The following QSOX2 variants were observed in gnomAD, a reference collection of about 807,000 sequenced individuals.
The protein encoded by QSOX2 is quiescin sulfhydryl oxidase 2, also known as sulfhydryl oxidase 2.
In QSOX2, 46 loss-of-function variants were observed where a neutral mutation model predicts 61.7. The ratio of observed to expected loss-of-function variants is 0.75; its 90% CI spans 0.59 to 0.95. QSOX2 has a LOEUF of 0.95. Among genes scored for constraint, QSOX2 ranks in the 40% least tolerant of loss-of-function variants. QSOX2 has a pLI of 0.00. For missense variants in QSOX2, 879 were observed against 918.9 expected (o/e 0.96, Z 0.56); for synonymous variants, 383 against 388.4 (o/e 0.99, Z 0.16).
intron 1 of QSOX2, among the ~76,000 whole-genome samples, chr9:136,235,492 G>A (rs143719897): frequency 3.0e-4 from 45 of 152,360 alleles, no homozygotes; most frequent in South Asian, 6.2e-4. Context: ...GAAGACGAGG[G>A]GAAGCCCTGA....
Position 136,218,652 on chromosome 9 carries a change from G to A in QSOX2, c.1086+27C>T, listed in dbSNP as rs891609026. ...TCTGTGCAGAGCCAAATTCCCACAT[G>A]CAGCCCAGACCAGCACCGTCCCAAA... is the stretch of plus-strand genomic sequence containing the variant. On this transcript the variant is annotated intron_variant, in intron 8 of 11. Transcript: ENST00000358701. 2.5e-6 allele frequency: 4 copies of A among 1,606,402 alleles called. No homozygotes were observed. In the African/African-American group the frequency reaches 5.3e-5, roughly 21 times the overall value.
Position 136,221,286 on chromosome 9 carries a change from C to T in QSOX2, c.821+510G>A, listed in dbSNP as rs145685798. Among the ~76,000 whole-genome samples the T allele has an allele frequency of 2.3e-3, 346 of 152,312 alleles. 1 individual carries two copies. The highest frequency in any genetic ancestry group is 4.3e-3 in the Admixed American group (66 of 15,310). Reference sequence around the variant, plus strand: ...TCATGAGGGGCACACGGGCACCCCACGCAGAGGCAAAGGGCTTGCCAAGGT... The same window carrying T: ...TCATGAGGGGCACACGGGCACCCCATGCAGAGGCAAAGGGCTTGCCAAGGT... On this transcript the variant is annotated intron_variant, in intron 6 of 11. Transcript: ENST00000358701. This position sits in a 1 kb window ranked among gnomAD's most constrained non-coding sequence, Gnocchi z 4.5.
At chr9:136,240,953 C>T (rs1304092930) in intron 1 of QSOX2, among the ~76,000 whole-genome samples, 1 of 152,210 alleles carries the variant, frequency 6.6e-6, no homozygotes, top group Non-Finnish European at 1.5e-5. Context: ...TGACCTGGGT[C>T]ACCCCATGGC....
chr9:136,227,168 C>A (rs1248458883), intron 1 of QSOX2, among the ~76,000 whole-genome samples: 2 of 152,186 alleles, frequency 1.3e-5, no homozygotes, highest in African/African-American at 2.4e-5. Context: ...TAAATGACAC[C>A]CTGATGGATG....
chr9:136,218,644 T>C, intron 8 of QSOX2, 35 bp downstream of exon 8: 5 of 1,601,940 alleles, frequency 3.1e-6, no homozygotes, highest in Non-Finnish European at 4.3e-6. Flanking sequence ...AGAGCCAAAT[T>C]CCCACATGCA....
In QSOX2 at chr9:136,211,310, G is replaced by A; in HGVS notation, c.1503C>T (p.Ile501=). 5 of 1,614,222 alleles carry A rather than the reference G, an allele frequency of 3.1e-6. No individual in the cohort carries two copies. The highest frequency in any genetic ancestry group is 4.2e-6 in the Non-Finnish European group (5 of 1,180,044). ...MDSVKTPDQA[I]LWLWKKHNMV... is the part of the protein sequence containing the mutation. ...TATTATGCTTCTTCCACAGCCAGAG[G>A]ATGGCTTGGTCTGGGGTTTTCACCG... The change falls in exon 11 of 12, where the codon ATC becomes ATT. Residue 501 remains isoleucine, a synonymous_variant. Coordinates refer to ENST00000358701, the MANE Select transcript of QSOX2 (RefSeq NM_181701.4).
rs1390108091 is a variant in QSOX2 at position 136,209,126 on chromosome 9, G to T, written c.1699C>A (p.Leu567Ile). ...TGGTCTGCGGAATACGTGTCTAAGA[G>T]GTTGTCGCGGCCATAGTGCTGCTTC... is the stretch of plus-strand genomic sequence containing the variant. ...FLKQHYGRDNLLDTYSADQGD... is the reference protein window; with the variant it reads ...FLKQHYGRDNILDTYSADQGD... Residue 567 changes from leucine (L) to isoleucine (I), a missense_variant, in exon 12 of 12, where the codon CTC becomes ATC. Physicochemically the swap from Leu to Ile is conservative, Grantham distance 5. Coordinates refer to ENST00000358701, the MANE Select transcript of QSOX2 (RefSeq NM_181701.4). The surrounding 1 kb of genome is among the most constrained non-coding windows in gnomAD (Gnocchi z 5.6). 6.2e-7 allele frequency: 1 copy of T among 1,614,198 alleles called. No individual in the cohort carries two copies. The highest frequency in any genetic ancestry group is 2.2e-5 in the East Asian group (1 of 44,886).
chr9:136,245,254 T>A (rs1830461951), intron 1 of QSOX2, among the ~76,000 whole-genome samples: 2 of 152,100 alleles, frequency 1.3e-5, no homozygotes, highest in Admixed American at 1.3e-4. Context: ...TAACGGGGAT[T>A]AACTGGGAGA....
In QSOX2 at chr9:136,208,747, T is replaced by A; in HGVS notation, c.2078A>T (p.His693Leu). 6.2e-7 allele frequency: 1 copy of A among 1,611,114 alleles called. No individual in the cohort carries two copies. The highest frequency in any genetic ancestry group is 8.5e-7 in the Non-Finnish European group (1 of 1,178,396). ...RVRSRRWKVKHHHPAV is the reference protein window; with the variant it reads ...RVRSRRWKVKLHHPAV ...GGGCACTCACACGGCCGGGTGGTGG[T>A]GCTTGACCTTCCACCGCCTGGACCT... Residue 693 changes from histidine to leucine, a missense_variant, in exon 12 of 12, where the codon CAC becomes CTC. Physicochemically the swap from His to Leu is moderately conservative, Grantham distance 99. Transcript: ENST00000358701.
At chr9:136,244,993 G>A (rs139107061) in intron 1 of QSOX2, among the ~76,000 whole-genome samples, 212 of 152,330 alleles carry the variant, frequency 1.4e-3, no homozygotes, top group African/African-American at 4.2e-3. Context: ...AGGGAATGGG[G>A]TGGCTACGAG....
chr9:136,218,362 G>GGT lies in QSOX2; in HGVS notation c.1086+315_1086+316dup, dbSNP rs201987495. Reference sequence around the variant, plus strand: ...CAGCGCTCCTCTGAGAGCCAGCTGAGGTGTGTGTGGGCCTCCGCTCCCTCC... The same window carrying GGT: ...CAGCGCTCCTCTGAGAGCCAGCTGAGGTGTGTGTGTGGGCCTCCGCTCCCTCC... On this transcript the variant is annotated intron_variant, in intron 8 of 11. Coordinates refer to ENST00000358701, the MANE Select transcript of QSOX2 (RefSeq NM_181701.4). Among the ~76,000 whole-genome samples the GGT allele has an allele frequency of 7.8e-4, 119 of 152,326 alleles. 1 individual carries two copies. The East Asian group carries it at 0.018, about 23-fold the overall frequency.
chr9:136,235,240 C>T (rs1004128823), intron 1 of QSOX2, among the ~76,000 whole-genome samples: 6 of 152,244 alleles, frequency 3.9e-5, no homozygotes, highest in African/African-American at 9.6e-5. Context: ...CGAGTGCTGG[C>T]ACAGCACACC....
intron 1 of QSOX2, among the ~76,000 whole-genome samples, chr9:136,230,999 G>A (rs1830324257): frequency 6.6e-6 from 1 of 152,196 alleles, no homozygotes; most frequent in African/African-American, 2.4e-5. Flanking sequence ...CTGACCCCCT[G>A]CCCAGGCCTA....
chr9:136,217,727 G>A (rs55683566), intron 8 of QSOX2, among the ~76,000 whole-genome samples: 2,386 of 152,302 alleles, frequency 0.016, 24 homozygotes, highest in South Asian at 0.03. Flanking sequence ...CGACTCCAGC[G>A]AATTAGCTGG....
At position 136,219,020 on chromosome 9, in the gene QSOX2, G is replaced by T; in HGVS notation, c.956+10C>A. ...GTCTCCGGGGGCTTCAGTTCAAGAG[G>T]AACACTTGCTTGTCAAATTCTCTCC... On this transcript the variant is annotated intron_variant, in intron 7 of 11. Transcript: ENST00000358701. 1 of 1,613,916 alleles carries T rather than the reference G, an allele frequency of 6.2e-7. No homozygotes were observed. Among genetic ancestry groups the T allele is most frequent in the Non-Finnish European group, 8.5e-7 (1 of 1,179,922 alleles).
rs1400747661 is a variant in QSOX2, at chr9:136,222,372, T to C, written c.676-431A>G. Among the ~76,000 whole-genome samples, 2 of 152,096 alleles carry C rather than the reference T, an allele frequency of 1.3e-5. No individual in the cohort carries two copies. Among genetic ancestry groups the C allele is most frequent in the African/African-American group, 2.4e-5 (1 of 41,412 alleles). On this transcript the variant is annotated intron_variant, in intron 5 of 11. Transcript: ENST00000358701. The surrounding 1 kb of genome is among the most constrained non-coding windows in gnomAD (Gnocchi z 6.9). ...CTCCTCCCCAGCCACCCTGCTCCTG[T>C]CTGGTTCTGCTCAGGCTGAAGGGGC...
rs1831765911 is a variant in QSOX2, at chr9:136,206,520, T to C, written c.*2208A>G. On this transcript the variant is annotated 3_prime_UTR_variant, in exon 12 of 12. Transcript: ENST00000358701. ...ATTACTGAACTATTATATTCATTAG[T>C]CTCAATACCTCTTAAAATACTTAAA... 2 of 152,494 alleles carry C rather than the reference T, an allele frequency of 1.3e-5. No individual in the cohort carries two copies. The highest frequency in any genetic ancestry group is 4.8e-5 in the African/African-American group (2 of 41,454). 9.4% of individuals were successfully genotyped at this position (152,494 alleles called of 1,614,324 possible).
Position 136,207,344 on chromosome 9 carries a change from CA to C in QSOX2, c.*1383del, listed in dbSNP as rs1417443104. 1 of 146,212 alleles carries C rather than the reference CA, an allele frequency of 6.8e-6. No individual in the cohort carries two copies. Among genetic ancestry groups the C allele is most frequent in the South Asian group, 2.2e-4 (1 of 4,580 alleles). The allele number at this position is 146,212 out of a possible 1,614,324, so 9.1% of individuals were successfully genotyped here. A position where few individuals can be genotyped will look rare whatever the true frequency, so the allele number is the denominator to read the frequency against. On this transcript the variant is annotated 3_prime_UTR_variant, in exon 12 of 12. Coordinates refer to ENST00000358701, the MANE Select transcript of QSOX2 (RefSeq NM_181701.4). ...AAGCGGAAAAAATATCTACAACCGT[CA>C]AAGTCTCTCTCTCTCTCATACACAC...
intron 1 of QSOX2, among the ~76,000 whole-genome samples, chr9:136,231,875 GCCCCCTCCA>G (rs1439295420): frequency 6.8e-6 from 1 of 147,112 alleles, no homozygotes; most frequent in Admixed American, 6.7e-5. Context: ...CCGGCAATCC[GCCCCCTCCA>G]CCCCCTCCAC....
Sources: gnomAD v4.1 joint callset for allele counts (sites outside exome capture counted in the v4.1 genomes callset) on GRCh38, gnomAD v4.1.1 for gene constraint, Gnocchi (gnomAD v3.1) non-coding constraint, MANE v1.5 for transcripts, NCBI Gene and HGNC (gene_info 2026-07-23, HGNC 2026-07-21) for gene names.